The following ZMYND11 variants were observed in gnomAD, a reference collection of about 807,000 sequenced individuals.
The protein encoded by ZMYND11 is zinc finger MYND domain-containing protein 11.
ZMYND11 carries 9 observed loss-of-function variants against 84.9 expected under a neutral mutation model. The observed-to-expected ratio is 0.11, with a 90% CI of 0.06 to 0.18. The LOEUF (loss-of-function observed/expected upper bound fraction) is 0.18, where lower values mean the gene tolerates loss of function less well. Among genes scored for constraint, ZMYND11 ranks in the 10% least tolerant of loss-of-function variants. ZMYND11 has a pLI of 1.00. For synonymous variants in ZMYND11, 250 were observed against 244.1 expected, an observed-to-expected ratio of 1.02 and a Z score of -0.23; for missense variants, 409 against 761.0, an observed-to-expected ratio of 0.54 and a Z score of 5.44.
chr10:242,421 GTCCAT>G (rs1951177122), intron 10 of ZMYND11, among the ~76,000 whole-genome samples: 1 of 152,084 alleles, frequency 6.6e-6, no homozygotes, highest in African/African-American at 2.4e-5. Flanking sequence ...CTCAGAATGT[GTCCAT>G]TCCATAATAT....
At chr10:134,325 C>G (rs1554750971), upstream of ZMYND11, 1 of 152,186 alleles carries the variant, frequency 6.6e-6, no homozygotes, top group Non-Finnish European at 1.5e-5. Context: ...AGGTGTTCCC[C>G]GACTCCCAGT....
At chr10:241,526 A>G (rs1950924846) in intron 9 of ZMYND11, among the ~76,000 whole-genome samples, 2 of 152,120 alleles carry the variant, frequency 1.3e-5, no homozygotes, top group African/African-American at 4.8e-5. Context: ...TCATCCTTTC[A>G]CAAGAGACCT....
At position 213,961 on chromosome 10, in the gene ZMYND11, G is replaced by A. The variant is rs189953526; in HGVS notation, c.276+3913G>A. Reference sequence around the variant, plus strand: ...GAAATCTAGCAATCATGTAACAAAAGCCTAACTATATAATATGTCAGGATA... The same window carrying A: ...GAAATCTAGCAATCATGTAACAAAAACCTAACTATATAATATGTCAGGATA... On this transcript the variant is annotated intron_variant, in intron 3 of 14. Transcript: ENST00000381604. Among the ~76,000 whole-genome samples the A allele has an allele frequency of 3.0e-3, 456 of 152,142 alleles. No homozygotes were observed. In the Middle Eastern group the frequency reaches 0.031, roughly 10 times the overall value.
intron 4 of ZMYND11, among the ~76,000 whole-genome samples, chr10:224,915 TC>T (rs1947831274): frequency 6.6e-6 from 1 of 152,212 alleles, no homozygotes; most frequent in Admixed American, 6.5e-5. Flanking sequence ...AGGAGTCTTC[TC>T]ATTATTATTT....
chr10:250,165 C>T (rs765754191), intron 14 of ZMYND11, among the ~76,000 whole-genome samples: 4 of 152,210 alleles, frequency 2.6e-5, no homozygotes, highest in African/African-American at 7.2e-5. Context: ...GGATGGCAGT[C>T]GGCAAAACTA....
chr10:231,443 C>G (rs1949003516), intron 4 of ZMYND11, among the ~76,000 whole-genome samples: 2 of 152,144 alleles, frequency 1.3e-5, no homozygotes, highest in African/African-American at 4.8e-5. Context: ...ACCAAAATGA[C>G]CAAGATCTCC....
chr10:234,431 T>G (rs2448374), intron 4 of ZMYND11, among the ~76,000 whole-genome samples: 141,156 of 152,294 alleles, frequency 0.93, 65,800 homozygotes, highest in Non-Finnish European at 0.98. Context: ...GTGCATGATA[T>G]TTAGTGAATA....
At chr10:174,661 T>C (rs1257865528) in intron 1 of ZMYND11, among the ~76,000 whole-genome samples, 74 of 119,652 alleles carry the variant, frequency 6.2e-4, no homozygotes, top group African/African-American at 9.3e-4. Context: ...CCCATGGGCA[T>C]TACAGTGGCA....
intron 10 of ZMYND11, among the ~76,000 whole-genome samples, chr10:244,010 A>G (rs1386743529): frequency 6.6e-6 from 1 of 152,146 alleles, no homozygotes; most frequent in Non-Finnish European, 1.5e-5. Flanking sequence ...ATTTTATGTA[A>G]ATAGTTCTAG....
chr10:238,555 A>C (rs1950363628), intron 6 of ZMYND11, among the ~76,000 whole-genome samples: 1 of 152,008 alleles, frequency 6.6e-6, no homozygotes, highest in Admixed American at 6.6e-5. Context: ...ACGGGGTTTC[A>C]CCGTTTTAGC....
chr10:178,347 A>G (rs1435088471), intron 1 of ZMYND11, among the ~76,000 whole-genome samples: 1 of 152,260 alleles, frequency 6.6e-6, no homozygotes, highest in Admixed American at 6.5e-5. Context: ...TGTAAGAATG[A>G]GTGAAACTTT....
chr10:153,442 C>T (rs1840909066), intron 1 of ZMYND11, among the ~76,000 whole-genome samples: 1 of 152,160 alleles, frequency 6.6e-6, no homozygotes, highest in East Asian at 1.9e-4. Flanking sequence ...TCACAGTAAT[C>T]CCTGATCTAC....
intron 3 of ZMYND11, among the ~76,000 whole-genome samples, chr10:219,008 T>G (rs1946671988): frequency 6.6e-6 from 1 of 152,194 alleles, no homozygotes; most frequent in Admixed American, 6.5e-5. Context: ...CAGCACTGCT[T>G]CCCCAGCCCA....
chr10:168,382 A>G (rs551920602), intron 1 of ZMYND11, among the ~76,000 whole-genome samples: 2 of 152,180 alleles, frequency 1.3e-5, no homozygotes, highest in East Asian at 1.9e-4. Flanking sequence ...AGGCTGAGGT[A>G]GGAGGATTAC....
intron 1 of ZMYND11, among the ~76,000 whole-genome samples, chr10:148,927 G>T (rs1311066187): frequency 6.6e-6 from 1 of 152,152 alleles, no homozygotes; most frequent in Non-Finnish European, 1.5e-5. Context: ...ACATAATTTT[G>T]TCAGTTTTAA....
chr10:223,229 C>T (rs1947454499), intron 4 of ZMYND11, among the ~76,000 whole-genome samples: 3 of 152,014 alleles, frequency 2.0e-5, no homozygotes, highest in Non-Finnish European at 2.9e-5. Flanking sequence ...GGGGTTTTGT[C>T]ATGTTGGTGT....
chr10:248,656 G>T, intron 13 of ZMYND11, 48 bp downstream of exon 13: 2 of 1,547,460 alleles, frequency 1.3e-6, no homozygotes, highest in Non-Finnish European at 1.7e-6. Flanking sequence ...CGGCACTCCT[G>T]TCATGGTTAG....
intron 7 of ZMYND11, 105 bp downstream of exon 7, chr10:239,630 T>TA: frequency 1.2e-6 from 1 of 832,820 alleles, no homozygotes; most frequent in Non-Finnish European, 1.9e-6. Flanking sequence ...ATTAATACCT[T>TA]AATGATCTAC....
intron 1 of ZMYND11, chr10:147,720 C>T (rs550336695): frequency 2.7e-5 from 4 of 150,674 alleles, no homozygotes; most frequent in African/African-American, 9.8e-5. Flanking sequence ...ACTGTATTGC[C>T]AGGGAAGATG....
Sources: gnomAD v4.1 joint callset for allele counts (sites outside exome capture counted in the v4.1 genomes callset) on GRCh38, gnomAD v4.1.1 for gene constraint, MANE v1.5 for transcripts, NCBI Gene and HGNC (gene_info 2026-07-23, HGNC 2026-07-21) for gene names.